PTPRM: variants seen among roughly 807,000 people sequenced by gnomAD.
PTPRM encodes the protein receptor-type tyrosine-protein phosphatase mu.
A neutral mutation model predicts 186.7 loss-of-function variants in PTPRM; 47 were observed. The observed-to-expected ratio is 0.25, with a 90% CI of 0.20 to 0.32. The LOEUF (loss-of-function observed/expected upper bound fraction) is 0.32. PTPRM is among the 10% of genes least tolerant of loss of function. PTPRM has a pLI of 1.00. For synonymous variants in PTPRM, 668 were observed against 674.9 expected, an observed-to-expected ratio of 0.99 and a Z score of 0.16; for missense variants, 1,494 against 1,865.0, an observed-to-expected ratio of 0.80 and a Z score of 3.66.
chr18:8,251,181 G>A (rs535777189), intron 17 of PTPRM, among the ~76,000 whole-genome samples: 1 of 152,274 alleles, frequency 6.6e-6, no homozygotes, highest in South Asian at 2.1e-4. Flanking sequence ...ACCTAGCCCT[G>A]GGATCAGAGC....
chr18:7,735,333 C>T (rs7244457), intron 1 of PTPRM, among the ~76,000 whole-genome samples: 7,461 of 152,102 alleles, frequency 0.049, 468 homozygotes, highest in East Asian at 0.13. Flanking sequence ...GGCAGGAGAA[C>T]AGCTTGAACC....
intron 23 of PTPRM, chr18:8,361,234 T>C (rs2148392981): frequency 6.6e-6 from 1 of 152,318 alleles, no homozygotes; most frequent in Non-Finnish European, 1.5e-5. Context: ...TCAGACTGTC[T>C]CAGAGGCATT....
chr18:8,366,340 G>C (rs1429618212), intron 23 of PTPRM, among the ~76,000 whole-genome samples: 1 of 152,182 alleles, frequency 6.6e-6, no homozygotes, highest in Non-Finnish European at 1.5e-5. Context: ...AGCATCACCT[G>C]GGAGCTTGTT....
intron 14 of PTPRM, among the ~76,000 whole-genome samples, chr18:8,222,384 C>T (rs941569885): frequency 6.6e-6 from 1 of 152,156 alleles, no homozygotes; most frequent in African/African-American, 2.4e-5. Context: ...CTGTGCTTTA[C>T]ATGTATTCTC....
chr18:7,962,069 A>G (rs917212469), intron 7 of PTPRM, among the ~76,000 whole-genome samples: 10 of 152,122 alleles, frequency 6.6e-5, no homozygotes, highest in African/African-American at 1.9e-4. Context: ...TCACCTTTCA[A>G]TCTTTGTTCT....
At chr18:7,796,767 G>A (rs1012164273) in intron 2 of PTPRM, among the ~76,000 whole-genome samples, 1 of 152,192 alleles carries the variant, frequency 6.6e-6, no homozygotes, top group African/African-American at 2.4e-5. Context: ...TACAATCTGA[G>A]GCCTAATTTA....
intron 1 of PTPRM, among the ~76,000 whole-genome samples, chr18:7,660,124 G>A (rs146553446): frequency 6.6e-6 from 1 of 152,058 alleles, no homozygotes; most frequent in Non-Finnish European, 1.5e-5. Context: ...ATCACTTGAG[G>A]TCAGTAGTTC....
intron 23 of PTPRM, among the ~76,000 whole-genome samples, chr18:8,346,731 A>T (rs1245663797): frequency 6.6e-6 from 1 of 152,158 alleles, no homozygotes; most frequent in Admixed American, 6.5e-5. Context: ...CAACAAACCT[A>T]AGACTGAAGA....
At chr18:7,955,598 C>T (rs572360695) in intron 7 of PTPRM, among the ~76,000 whole-genome samples, 184 bp downstream of exon 7, 1 of 152,246 alleles carries the variant, frequency 6.6e-6, no homozygotes, top group Admixed American at 6.5e-5. Context: ...CCAGTAACCT[C>T]CAGGCTTGGT....
intron 26 of PTPRM, chr18:8,376,853 A>G: frequency 2.5e-6 from 1 of 406,242 alleles, no homozygotes; most frequent in Non-Finnish European, 4.3e-6. Flanking sequence ...GTATTAAGGG[A>G]CCCAAAAAAG....
chr18:8,030,078 C>T (rs1167960259), intron 7 of PTPRM, among the ~76,000 whole-genome samples: 1 of 152,208 alleles, frequency 6.6e-6, no homozygotes, highest in Admixed American at 6.5e-5. Context: ...AAAGCGCACA[C>T]AAGTCGATGC....
chr18:8,044,247 T>A (rs747715630), intron 7 of PTPRM, among the ~76,000 whole-genome samples: 1 of 152,150 alleles, frequency 6.6e-6, no homozygotes, highest in Non-Finnish European at 1.5e-5. Flanking sequence ...CTTCACCCTA[T>A]GAGAAAAATG....
intron 32 of PTPRM, among the ~76,000 whole-genome samples, chr18:8,402,308 G>A (rs1340238957): frequency 6.6e-6 from 1 of 152,208 alleles, no homozygotes; most frequent in Non-Finnish European, 1.5e-5. Flanking sequence ...CTGGGTGCTT[G>A]CTCAGGAAGG....
intron 7 of PTPRM, among the ~76,000 whole-genome samples, chr18:8,058,112 C>G (rs1014682081): frequency 1.5e-5 from 2 of 129,652 alleles, no homozygotes; most frequent in African/African-American, 3.2e-5. Flanking sequence ...CTCTCCAGCA[C>G]CTGTTGTGTC....
chr18:7,769,937 C>T (rs188672132), intron 1 of PTPRM, among the ~76,000 whole-genome samples: 1 of 152,218 alleles, frequency 6.6e-6, no homozygotes, highest in East Asian at 1.9e-4. Flanking sequence ...CCAACACCAC[C>T]CCACCCAGCT....
At chr18:8,016,844 A>C (rs2084901054) in intron 7 of PTPRM, among the ~76,000 whole-genome samples, 1 of 152,216 alleles carries the variant, frequency 6.6e-6, no homozygotes, top group Non-Finnish European at 1.5e-5. Context: ...CACACTTTCC[A>C]AGCAGAGAGC....
chr18:7,904,224 A>G (rs2049857594), intron 3 of PTPRM, among the ~76,000 whole-genome samples: 1 of 152,218 alleles, frequency 6.6e-6, no homozygotes, highest in South Asian at 2.1e-4. Context: ...GCCATTTCCC[A>G]GAATGCTAAC....
intron 13 of PTPRM, among the ~76,000 whole-genome samples, chr18:8,116,809 G>A (rs1041574242): frequency 6.6e-6 from 1 of 152,100 alleles, no homozygotes; most frequent in East Asian, 1.9e-4. Context: ...TTCACCAAAG[G>A]ATGATTAAGC....
chr18:8,113,650 A>T lies in PTPRM; in HGVS notation c.2021A>T (p.Gln674Leu). ...CCTGCAGACAGCCTCCAAGCTGCGC[A>T]GCCTTTTACAATTGGTGATAATAAG... is the stretch of plus-strand genomic sequence containing the variant. ...EFPADSLQAA[Q>L]PFTIGDNKTY... The change falls in exon 12 of 33, where the codon CAG (glutamine) becomes CTG (leucine). Residue 674 changes from glutamine (Q) to leucine (L), a missense_variant. This residue lies in a region of PTPRM where 1,107 missense variants were observed against 1,350.2 expected (regional missense o/e 0.82). Coordinates refer to ENST00000580170, the MANE Select transcript of PTPRM (RefSeq NM_001105244.2). 6.2e-7 allele frequency: 1 copy of T among 1,614,068 alleles called. No individual in the cohort carries two copies. Among genetic ancestry groups the T allele is most frequent in the Non-Finnish European group, 8.5e-7 (1 of 1,179,940 alleles).
Sources: gnomAD v4.1 joint callset for allele counts (sites outside exome capture counted in the v4.1 genomes callset) on GRCh38, gnomAD v4.1.1 for gene constraint, gnomAD v4.1.1 regional missense constraint, MANE v1.5 for transcripts, NCBI Gene and HGNC (gene_info 2026-07-23, HGNC 2026-07-21) for gene names.